The following KCNK2 variants were observed in gnomAD, a reference collection of about 807,000 sequenced individuals.
The protein encoded by KCNK2 is potassium two pore domain channel subfamily K member 2.
A neutral mutation model predicts 40.5 loss-of-function variants in KCNK2; 21 were observed. The observed-to-expected ratio is 0.52, with a 90% CI of 0.37 to 0.75. The LOEUF (loss-of-function observed/expected upper bound fraction) is 0.75, where lower values mean the gene tolerates loss of function less well. Ranked by LOEUF, KCNK2 falls within the 30% of genes least tolerant of loss-of-function variation. The pLI is 0.00. For synonymous variants in KCNK2, 191 were observed against 202.2 expected (o/e 0.94, Z 0.47); for missense variants, 399 against 531.6 (o/e 0.75, Z 2.45).
At chr1:215,038,468 G>A (rs1366191905) in intron 1 of KCNK2, among the ~76,000 whole-genome samples, 1 of 151,918 alleles carries the variant, frequency 6.6e-6, no homozygotes, top group Non-Finnish European at 1.5e-5. Flanking sequence ...CCATTTTCTG[G>A]GTCCAAACTT....
intron 3 of KCNK2, among the ~76,000 whole-genome samples, chr1:215,142,333 T>C (rs1662219674): frequency 6.6e-6 from 1 of 152,114 alleles, no homozygotes; most frequent in Non-Finnish European, 1.5e-5. Context: ...CCTCACAAAA[T>C]ATTTACAGAG....
In KCNK2 at chr1:215,142,560, T is replaced by TCTTACGTTACTTG. The variant is rs1421126443; in HGVS notation, c.475+17810_475+17811insCTTACGTTACTTG. On this transcript the variant is annotated intron_variant, in intron 3 of 6. Transcript: ENST00000444842. ...AAAAGGTGATCTTTCTTTTCTGTTT[T>TCTTACGTTACTTG]TTTACGTTACTTGTTTTTACTTTGG... Among the ~76,000 whole-genome samples the TCTTACGTTACTTG allele has an allele frequency of 4.6e-5, 7 of 152,260 alleles. No individual in the cohort carries two copies. The South Asian group carries it at 1.5e-3, about 32-fold the overall frequency.
intron 1 of KCNK2, among the ~76,000 whole-genome samples, chr1:215,060,507 G>A (rs550335510): frequency 3.9e-5 from 6 of 152,290 alleles, no homozygotes; most frequent in African/African-American, 1.4e-4. Context: ...CAGGGTATAC[G>A]TTATTGGCTC....
intron 6 of KCNK2, among the ~76,000 whole-genome samples, chr1:215,229,692 G>A (rs1168452933): frequency 6.6e-6 from 1 of 151,754 alleles, no homozygotes; most frequent in Non-Finnish European, 1.5e-5. Flanking sequence ...GAAAAAAAAA[G>A]ATTTTGTTTT....
At chr1:215,139,713 G>A (rs1231582488) in intron 3 of KCNK2, among the ~76,000 whole-genome samples, 5 of 151,990 alleles carry the variant, frequency 3.3e-5, no homozygotes, top group African/African-American at 1.2e-4. Context: ...AACCCAGGAG[G>A]TGGAGGTTCA....
intron 6 of KCNK2, among the ~76,000 whole-genome samples, chr1:215,209,476 T>TAATATATAATATATATA (rs1553274203): frequency 4.6e-5 from 2 of 43,194 alleles, no homozygotes; most frequent in Non-Finnish European, 8.4e-5. Flanking sequence ...ATAATATATA[T>TAATATATAATATATATA]TATATATAAT....
chr1:215,093,422 TA>T (rs1427065559), intron 2 of KCNK2, among the ~76,000 whole-genome samples: 1 of 131,026 alleles, frequency 7.6e-6, no homozygotes, highest in Non-Finnish European at 1.6e-5. Flanking sequence ...ATATAATATA[TA>T]TTATGTACAT....
chr1:215,107,951 G>T (rs1660507964), intron 2 of KCNK2, among the ~76,000 whole-genome samples: 2 of 152,118 alleles, frequency 1.3e-5, no homozygotes, highest in South Asian at 4.1e-4. Flanking sequence ...TTGGCATCAG[G>T]AACCAGTTTC....
At chr1:215,088,943 T>C (rs1358336766) in intron 2 of KCNK2, among the ~76,000 whole-genome samples, 2 of 152,234 alleles carry the variant, frequency 1.3e-5, no homozygotes, top group South Asian at 2.1e-4. Flanking sequence ...CTTACACTGT[T>C]CACCTTTATA....
intron 5 of KCNK2, among the ~76,000 whole-genome samples, chr1:215,190,767 G>A (rs1664633951): frequency 6.6e-6 from 1 of 152,096 alleles, no homozygotes; most frequent in South Asian, 2.1e-4. Context: ...CCTGCCCTAA[G>A]TCAATGGAAG....
At chr1:215,104,474 A>G (rs1660351363) in intron 2 of KCNK2, among the ~76,000 whole-genome samples, 2 of 151,942 alleles carry the variant, frequency 1.3e-5, no homozygotes, top group Admixed American at 1.3e-4. Context: ...TGCAGGTGTG[A>G]CTCACTGTTT....
At chr1:215,228,512 A>AT (rs1666486839) in intron 6 of KCNK2, among the ~76,000 whole-genome samples, 2 of 152,144 alleles carry the variant, frequency 1.3e-5, no homozygotes, top group Admixed American at 1.3e-4. Flanking sequence ...TTAAGAATAC[A>AT]TGGAATTCCA....
chr1:215,233,028 G>A (rs1216116923), intron 6 of KCNK2, among the ~76,000 whole-genome samples: 4 of 152,290 alleles, frequency 2.6e-5, no homozygotes, highest in Admixed American at 2.0e-4. Flanking sequence ...TAACCTGGGA[G>A]TCCCCCCAAA....
intron 6 of KCNK2, 113 bp from the exon 7 acceptor site, chr1:215,234,715 A>T (rs1312598782): frequency 1.0e-6 from 1 of 980,070 alleles, no homozygotes; most frequent in Non-Finnish European, 1.5e-6. Flanking sequence ...GCTGTAAAAG[A>T]CTACTCCACT....
intron 6 of KCNK2, among the ~76,000 whole-genome samples, chr1:215,226,352 C>T (rs1440036852): frequency 2.0e-5 from 3 of 152,056 alleles, no homozygotes; most frequent in East Asian, 1.9e-4. Context: ...TTTGAGACAG[C>T]GTCTCACTCT....
chr1:215,231,441 G>A (rs1666661490), intron 6 of KCNK2, among the ~76,000 whole-genome samples: 1 of 152,100 alleles, frequency 6.6e-6, no homozygotes, highest in Non-Finnish European at 1.5e-5. Context: ...TGTGTATCTA[G>A]TGCCTGCTAT....
intron 3 of KCNK2, among the ~76,000 whole-genome samples, chr1:215,134,154 G>A (rs986898261): frequency 2.6e-5 from 4 of 152,136 alleles, no homozygotes; most frequent in Non-Finnish European, 5.9e-5. Flanking sequence ...TTGACACAGG[G>A]CATTTCTGAC....
At chr1:215,162,987 G>T (rs1663274381) in intron 3 of KCNK2, among the ~76,000 whole-genome samples, 1 of 152,000 alleles carries the variant, frequency 6.6e-6, no homozygotes, top group African/African-American at 2.4e-5. Flanking sequence ...AGCTTGATGG[G>T]GATAGCATTG....
In KCNK2 at chr1:215,209,489, AT is replaced by A. The variant is rs373162625; in HGVS notation, c.963+14398del. ...ATATAATATATATTATATATAATACATATATATAATATATAATATATATAAA... is the reference window on the plus strand; with the variant it reads ...ATATAATATATATTATATATAATACAATATATAATATATAATATATATAAA... On this transcript the variant is annotated intron_variant, in intron 6 of 6. Transcript: ENST00000444842. Among the ~76,000 whole-genome samples the A allele has an allele frequency of 5.3e-4, 14 of 26,420 alleles. 1 individual carries two copies. Among genetic ancestry groups the A allele is most frequent in the Non-Finnish European group, 1.2e-3 (12 of 10,404 alleles). 17.3% of individuals were successfully genotyped at this position (26,420 alleles called of 152,430 possible).
Sources: gnomAD v4.1 joint callset for allele counts (sites outside exome capture counted in the v4.1 genomes callset) on GRCh38, gnomAD v4.1.1 for gene constraint, MANE v1.5 for transcripts, NCBI Gene and HGNC (gene_info 2026-07-23, HGNC 2026-07-21) for gene names.